The following CNIH3 variants were observed in gnomAD, a reference collection of about 807,000 sequenced individuals.
CNIH3 encodes the protein cornichon family AMPA receptor auxiliary protein 3.
A neutral mutation model predicts 24.1 loss-of-function variants in CNIH3; 14 were observed. The ratio of observed to expected loss-of-function variants is 0.58; its 90% CI spans 0.38 to 0.91. The LOEUF (loss-of-function observed/expected upper bound fraction) is 0.91, where lower values mean the gene tolerates loss of function less well. Among genes scored for constraint, CNIH3 ranks in the 40% least tolerant of loss-of-function variants. The probability of loss-of-function intolerance (pLI) is 0.00; values close to 1 mark genes in which losing one functional copy is unlikely to be tolerated. For synonymous variants in CNIH3, 68 were observed against 73.8 expected, an observed-to-expected ratio of 0.92 and a Z score of 0.40; for missense variants, 178 against 196.8, an observed-to-expected ratio of 0.90 and a Z score of 0.57.
intron 3 of CNIH3, among the ~76,000 whole-genome samples, chr1:224,708,956 G>GA (rs1414498021): frequency 2.6e-5 from 4 of 152,058 alleles, no homozygotes; most frequent in East Asian, 1.9e-4. Flanking sequence ...AGCTGCTTTT[G>GA]AAAAAAACAA....
In CNIH3 at chr1:224,692,362, C is replaced by T. The variant is rs188218207; in HGVS notation, c.198+7519C>T. 2.5e-3 allele frequency among the ~76,000 whole-genome samples: 387 copies of T among 152,236 alleles called. 2 individuals carry two copies. The highest frequency in any genetic ancestry group is 9.1e-3 in the African/African-American group (376 of 41,514). On this transcript the variant is annotated intron_variant, in intron 3 of 5. Transcript: ENST00000272133. ...CCTTTTTTCTCTAATTACTGGCACT[C>T]CTCGCCACAAGGGATTGACTTCATT...
At position 224,584,514 on chromosome 1, in the gene CNIH3, G is replaced by A. The variant is rs560029498; in HGVS notation, n.620+1247G>A. ...TATTTCACTAAAAGACAGAGAAAAA[G>A]TGCTGATGTAAATCCTTCCTTTTTG... On this transcript the variant is annotated intron_variant and non_coding_transcript_variant, in intron 5 of 5. Coordinates refer to the CNIH3 transcript ENST00000471578. Among the ~76,000 whole-genome samples the A allele has an allele frequency of 9.2e-5, 14 of 152,336 alleles. No individual in the cohort carries two copies. In the South Asian group the frequency reaches 1.0e-3, roughly 11 times the overall value.
At chr1:224,738,661 A>G (rs1295646940) in intron 5 of CNIH3, among the ~76,000 whole-genome samples, 2 of 152,188 alleles carry the variant, frequency 1.3e-5, no homozygotes, top group Non-Finnish European at 1.5e-5. Flanking sequence ...CAGCCTTGCA[A>G]AATTACCCTG....
At chr1:224,716,007 A>C (rs1688410718) in intron 3 of CNIH3, among the ~76,000 whole-genome samples, 1 of 152,154 alleles carries the variant, frequency 6.6e-6, no homozygotes, top group Non-Finnish European at 1.5e-5. Context: ...ATTCCAGTAA[A>C]TCATTCACAC....
At chr1:224,640,118 C>T (rs1332491274) in intron 1 of CNIH3, among the ~76,000 whole-genome samples, 5 of 152,292 alleles carry the variant, frequency 3.3e-5, no homozygotes, top group African/African-American at 2.4e-5. Flanking sequence ...GCAAAACCTC[C>T]GTGTGGATGT....
chr1:224,625,543 G>A (rs773823613), intron 1 of CNIH3, among the ~76,000 whole-genome samples: 2 of 152,204 alleles, frequency 1.3e-5, no homozygotes, highest in South Asian at 2.1e-4. Context: ...GCGACAGAGC[G>A]AGACTCCGTC....
intron 1 of CNIH3, among the ~76,000 whole-genome samples, chr1:224,635,295 G>A (rs758910812): frequency 6.6e-6 from 1 of 152,098 alleles, no homozygotes; most frequent in Admixed American, 6.6e-5. Flanking sequence ...CCCCTCCCAC[G>A]ACACTTGGGG....
At chr1:224,492,030 T>C (rs1677255220) in intron 1 of CNIH3, among the ~76,000 whole-genome samples, 1 of 152,234 alleles carries the variant, frequency 6.6e-6, no homozygotes, top group Admixed American at 6.5e-5. Context: ...GCTGGGACTG[T>C]GGGCATGAGC....
chr1:224,440,499 A>G (rs375852310), intron 1 of CNIH3, among the ~76,000 whole-genome samples: 6 of 152,340 alleles, frequency 3.9e-5, no homozygotes, highest in African/African-American at 1.2e-4. Flanking sequence ...TTCTGGGATT[A>G]CAGACATGAG....
intron 3 of CNIH3, among the ~76,000 whole-genome samples, chr1:224,550,820 A>G (rs1190751501): frequency 2.0e-5 from 3 of 151,934 alleles, no homozygotes; most frequent in African/African-American, 4.8e-5. Context: ...GTCATTTAAC[A>G]TTAGGTTATA....
chr1:224,515,681 G>A (rs1281589998), upstream of CNIH3: 1 of 152,118 alleles, frequency 6.6e-6, no homozygotes, highest in Non-Finnish European at 1.5e-5. Context: ...GCCCACTTTG[G>A]GGATAGTTAA....
chr1:224,739,343 T>C lies in CNIH3; in HGVS notation c.470T>C (p.Leu157Ser). 6.3e-7 allele frequency: 1 copy of C among 1,588,864 alleles called. No homozygotes were observed. The highest frequency in any genetic ancestry group is 8.6e-7 in the Non-Finnish European group (1 of 1,169,334). The change falls in exon 6 of 6, where the codon TTA (leucine) becomes TCA (serine). Residue 157 changes from leucine to serine, a missense_variant. Coordinates refer to ENST00000272133, the MANE Select transcript of CNIH3 (RefSeq NM_152495.2). ...FYYLYCMIYT[L>S]VSS ...TTTGCATTCAGCATGATCTACACTT[T>C]AGTGAGCTCTTAACGCAAAGACCAT...
At chr1:224,609,619 A>G (rs946157609) in intron 3 of CNIH3, among the ~76,000 whole-genome samples, 1 of 152,218 alleles carries the variant, frequency 6.6e-6, no homozygotes, top group African/African-American at 2.4e-5. Context: ...AAGTTTACAG[A>G]GTTCATTTAT....
chr1:224,604,506 G>A lies in CNIH3; in HGVS notation n.402+38242G>A, dbSNP rs1682332981. ...AGGCTGAGATGGAGCCTCTGAAGAA[G>A]GGACCCCTACGCCGCTTTGTGCCAG... On this transcript the variant is annotated intron_variant and non_coding_transcript_variant, in intron 3 of 7. Coordinates refer to the CNIH3 transcript ENST00000478120. This position sits in a 1 kb window ranked among gnomAD's most constrained non-coding sequence, Gnocchi z 4.4. Among the ~76,000 whole-genome samples the A allele has an allele frequency of 6.6e-6, 1 of 152,168 alleles. No individual in the cohort carries two copies. Among genetic ancestry groups the A allele is most frequent in the East Asian group, 1.9e-4 (1 of 5,182 alleles).
chr1:224,700,146 TC>T (rs1289947898), intron 3 of CNIH3, among the ~76,000 whole-genome samples: 1 of 152,138 alleles, frequency 6.6e-6, no homozygotes, highest in East Asian at 1.9e-4. Flanking sequence ...CTGGACTCTC[TC>T]CCCTGTATGG....
chr1:224,721,242 G>A (rs995274029), intron 3 of CNIH3, among the ~76,000 whole-genome samples: 1 of 152,068 alleles, frequency 6.6e-6, no homozygotes, highest in Admixed American at 6.5e-5. Context: ...TGAAAATGGG[G>A]CTCTCCAGCA....
intron 3 of CNIH3, among the ~76,000 whole-genome samples, chr1:224,697,585 G>A (rs914078007): frequency 2.6e-5 from 4 of 152,184 alleles, no homozygotes; most frequent in Admixed American, 1.3e-4. Context: ...ATGACTCATT[G>A]CAAGTCATCC....
At chr1:224,675,133 GA>G (rs1192599686) in intron 1 of CNIH3, among the ~76,000 whole-genome samples, 1 of 152,088 alleles carries the variant, frequency 6.6e-6, no homozygotes, top group Non-Finnish European at 1.5e-5. Flanking sequence ...AGTCTGGTGA[GA>G]AAAAAAGCAG....
chr1:224,484,360 G>T (rs1439138061), intron 1 of CNIH3, among the ~76,000 whole-genome samples: 1 of 151,842 alleles, frequency 6.6e-6, no homozygotes, highest in Admixed American at 6.6e-5. Context: ...AACCTGGGAG[G>T]CGGAGCTTGC....
Sources: gnomAD v4.1 joint callset for allele counts (sites outside exome capture counted in the v4.1 genomes callset) on GRCh38, gnomAD v4.1.1 for gene constraint, Gnocchi (gnomAD v3.1) non-coding constraint, MANE v1.5 for transcripts, NCBI Gene and HGNC (gene_info 2026-07-23, HGNC 2026-07-21) for gene names.